SPARCL1: variants seen among roughly 807,000 people sequenced by gnomAD.
SPARCL1 encodes the protein SPARC like 1.
SPARCL1 carries 52 observed loss-of-function variants against 67.1 expected under a neutral mutation model. The observed-to-expected ratio is 0.78, with a 90% CI of 0.62 to 0.98. The LOEUF is 0.98. Ranked by LOEUF, SPARCL1 falls within the 50% of genes least tolerant of loss-of-function variation. The pLI is 0.00. For missense variants in SPARCL1, 717 were observed against 782.4 expected, an observed-to-expected ratio of 0.92 and a Z score of 1.00; for synonymous variants, 226 against 267.8, an observed-to-expected ratio of 0.84 and a Z score of 1.52.
At chr4:87,514,663 T>C (rs1342751195) in intron 1 of SPARCL1, among the ~76,000 whole-genome samples, 2 of 152,216 alleles carry the variant, frequency 1.3e-5, no homozygotes, top group African/African-American at 4.8e-5. Context: ...TTTAGACTAG[T>C]CACTGGGCAT....
intron 1 of SPARCL1, among the ~76,000 whole-genome samples, chr4:87,505,937 A>C (rs11097159): frequency 0.45 from 68,377 of 151,864 alleles, 16,078 homozygotes; most frequent in East Asian, 0.75. Context: ...TGGTTTAGTG[A>C]AGGGTTTCTT....
chr4:87,485,003 A>G (rs1723991288), intron 7 of SPARCL1, among the ~76,000 whole-genome samples: 1 of 152,012 alleles, frequency 6.6e-6, no homozygotes, highest in Non-Finnish European at 1.5e-5. Context: ...CAATCATGTC[A>G]TCTGCAAACA....
At chr4:87,517,954 G>A (rs12640408) in intron 1 of SPARCL1, among the ~76,000 whole-genome samples, 27,001 of 152,142 alleles carry the variant, frequency 0.18, 2,565 homozygotes, top group Non-Finnish European at 0.22. Context: ...GCTAATGCAA[G>A]CATTCAGTCC....
intron 1 of SPARCL1, among the ~76,000 whole-genome samples, chr4:87,513,201 G>C (rs1024901755): frequency 6.6e-6 from 1 of 152,194 alleles, no homozygotes; most frequent in African/African-American, 2.4e-5. Flanking sequence ...AGTTTATAAA[G>C]TGTTTTCTTA....
chr4:87,478,998 G>A (rs1723696295), intron 10 of SPARCL1, among the ~76,000 whole-genome samples: 2 of 152,142 alleles, frequency 1.3e-5, no homozygotes, highest in Admixed American at 1.3e-4. Context: ...TAGTGTGTTG[G>A]TAATGGATTC....
intron 1 of SPARCL1, among the ~76,000 whole-genome samples, chr4:87,507,873 A>G (rs893117239): frequency 6.6e-6 from 1 of 152,212 alleles, no homozygotes; most frequent in Non-Finnish European, 1.5e-5. Flanking sequence ...GCTAGAGTGC[A>G]TCACAGAACT....
intron 7 of SPARCL1, among the ~76,000 whole-genome samples, chr4:87,485,383 T>G (rs1285119275): frequency 6.6e-6 from 1 of 152,222 alleles, no homozygotes; most frequent in Non-Finnish European, 1.5e-5. Flanking sequence ...GATTTGCGTA[T>G]GTTGAACCAT....
At chr4:87,511,586 G>C (rs1285345880) in intron 1 of SPARCL1, among the ~76,000 whole-genome samples, 1 of 152,192 alleles carries the variant, frequency 6.6e-6, no homozygotes, top group Non-Finnish European at 1.5e-5. Context: ...GGCACCATCA[G>C]AGGATGGGAA....
intron 1 of SPARCL1, among the ~76,000 whole-genome samples, chr4:87,517,812 G>A (rs1725647402): frequency 6.6e-6 from 1 of 152,198 alleles, no homozygotes; most frequent in African/African-American, 2.4e-5. Context: ...TTGGGGGGTA[G>A]TTCTCTTCTA....
At chr4:87,522,467 G>T (rs1398664034) in intron 1 of SPARCL1, among the ~76,000 whole-genome samples, 1 of 151,780 alleles carries the variant, frequency 6.6e-6, no homozygotes, top group Non-Finnish European at 1.5e-5. Context: ...GCTCAGGGAA[G>T]GGAGTATTAT....
intron 2 of SPARCL1, among the ~76,000 whole-genome samples, chr4:87,496,169 G>T (rs1009065068): frequency 2.6e-5 from 4 of 152,160 alleles, no homozygotes; most frequent in Middle Eastern, 6.8e-3. Flanking sequence ...TCTATCTGTG[G>T]TTTGACAGGT....
At chr4:87,492,416 TCAAA>T in intron 4 of SPARCL1, among the ~76,000 whole-genome samples, 1 of 115,858 alleles carries the variant, frequency 8.6e-6, no homozygotes, top group Admixed American at 9.0e-5. Context: ...AGACTCCGTC[TCAAA>T]AAAAAAAAAA....
chr4:87,474,036 C>T (rs1578089714), intron 10 of SPARCL1, among the ~76,000 whole-genome samples: 2 of 152,128 alleles, frequency 1.3e-5, no homozygotes, highest in African/African-American at 4.8e-5. Context: ...GGCATGTAGA[C>T]GTTTAGAAAA....
chr4:87,482,562 T>A lies in SPARCL1; in HGVS notation c.1532-2A>T, dbSNP rs750668350. On this transcript the variant is annotated splice_acceptor_variant, in intron 7 of 10. Coordinates refer to ENST00000282470, the MANE Select transcript of SPARCL1 (RefSeq NM_004684.6). LOFTEE classifies it high-confidence loss of function. ...CAAAGTCCGTACAAGTAGGAATAGC[T>A]GTTACAAGCAGAAAATGTACTGTAA... is the stretch of plus-strand genomic sequence containing the variant. 7 of 1,613,882 alleles carry A rather than the reference T, an allele frequency of 4.3e-6. No individual in the cohort carries two copies. In the Admixed American group the frequency reaches 6.7e-5, roughly 15 times the overall value.
At chr4:87,480,633 T>G in intron 8 of SPARCL1, 113 bp from the exon 9 acceptor site, 1 of 935,312 alleles carries the variant, frequency 1.1e-6, no homozygotes. Flanking sequence ...GAAAACAAGC[T>G]CAGGACATCA....
chr4:87,517,569 A>C (rs539929122), intron 1 of SPARCL1, among the ~76,000 whole-genome samples: 1 of 152,058 alleles, frequency 6.6e-6, no homozygotes, highest in South Asian at 2.1e-4. Flanking sequence ...TTGTTTCTCT[A>C]CTACCCCTGT....
chr4:87,519,805 T>C (rs1725731421), intron 1 of SPARCL1, among the ~76,000 whole-genome samples: 1 of 152,232 alleles, frequency 6.6e-6, no homozygotes, highest in Non-Finnish European at 1.5e-5. Flanking sequence ...CATAAATTAC[T>C]GTTTTGAGAA....
intron 1 of SPARCL1, among the ~76,000 whole-genome samples, chr4:87,508,045 G>T (rs1725176970): frequency 6.6e-6 from 1 of 152,196 alleles, no homozygotes; most frequent in Non-Finnish European, 1.5e-5. Flanking sequence ...CAGTTATCTT[G>T]TAATTTCTTC....
chr4:87,476,712 C>T (rs565925774), intron 10 of SPARCL1, among the ~76,000 whole-genome samples: 14 of 152,254 alleles, frequency 9.2e-5, no homozygotes, highest in African/African-American at 3.1e-4. Flanking sequence ...GTTACCTGAA[C>T]CCCATTTTTA....
Sources: gnomAD v4.1 joint callset for allele counts (sites outside exome capture counted in the v4.1 genomes callset) on GRCh38, gnomAD v4.1.1 for gene constraint, MANE v1.5 for transcripts, NCBI Gene and HGNC (gene_info 2026-07-23, HGNC 2026-07-21) for gene names.